The following CMBL variants were observed in gnomAD, a reference collection of about 807,000 sequenced individuals.
The protein encoded by CMBL is carboxymethylenebutenolidase homolog.
In CMBL, 17 loss-of-function variants were observed where a neutral mutation model predicts 28.7. That is an observed-to-expected ratio of 0.59 (90% CI 0.41 to 0.89). The LOEUF is 0.89. Among genes scored for constraint, CMBL ranks in the 40% least tolerant of loss-of-function variants. The probability of loss-of-function intolerance (pLI) is 0.00; values close to 1 mark genes in which losing one functional copy is unlikely to be tolerated. For synonymous variants in CMBL, 106 were observed against 101.6 expected (o/e 1.04, Z -0.26); for missense variants, 310 against 298.5 (o/e 1.04, Z -0.28).
chr5:10,281,012 G>C (rs1055045104), intron 5 of CMBL, among the ~76,000 whole-genome samples: 1 of 152,176 alleles, frequency 6.6e-6, no homozygotes, highest in African/African-American at 2.4e-5. Context: ...GACCTCAAGT[G>C]ATCTGCCTGC....
At chr5:10,296,885 T>C (rs1746819272) in intron 1 of CMBL, among the ~76,000 whole-genome samples, 1 of 152,084 alleles carries the variant, frequency 6.6e-6, no homozygotes, top group African/African-American at 2.4e-5. Context: ...ATAGTGGGCT[T>C]AAAAGAAACT....
chr5:10,291,660 C>CA (rs1746722433), intron 1 of CMBL, among the ~76,000 whole-genome samples: 2 of 131,112 alleles, frequency 1.5e-5, no homozygotes, highest in African/African-American at 6.9e-5. Context: ...GACGCCGTCT[C>CA]AAAAACAAAA....
At chr5:10,291,471 G>T (rs1746715441) in intron 1 of CMBL, among the ~76,000 whole-genome samples, 1 of 152,006 alleles carries the variant, frequency 6.6e-6, no homozygotes, top group African/African-American at 2.4e-5. Context: ...GACCATCCTG[G>T]CTAACACGGT....
At chr5:10,299,463 C>T (rs1159249106) in intron 1 of CMBL, among the ~76,000 whole-genome samples, 1 of 152,070 alleles carries the variant, frequency 6.6e-6, no homozygotes, top group Non-Finnish European at 1.5e-5. Flanking sequence ...GATACAAACC[C>T]TGGAAGGAGT....
rs140340319 is a variant in CMBL, at chr5:10,288,486, G to C, written c.259C>G (p.Pro87Ala). 4.3e-4 allele frequency: 692 copies of C among 1,613,874 alleles called. No homozygotes were observed. The highest frequency in any genetic ancestry group is 5.5e-4 in the Non-Finnish European group (645 of 1,179,940). ...GGGAAGATAGACCAGTCGCCAGAGG[G>C]GTCCCAAGGCTCTTGCCCTACAAAG... The part of the protein sequence containing the change: ...DFFVGQEPWD[P>A]SGDWSIFPEW... The change falls in exon 3 of 6, where the codon CCC (proline) becomes GCC (alanine). Residue 87 changes from proline to alanine, a missense_variant. Transcript: ENST00000296658.
chr5:10,297,993 G>A lies in CMBL; in HGVS notation c.-19-7212C>T, dbSNP rs182035017. On this transcript the variant is annotated intron_variant, in intron 1 of 5. Coordinates refer to ENST00000296658, the MANE Select transcript of CMBL (RefSeq NM_138809.4). ...GGGAGAGGATAAGCAGGAAAACAGG[G>A]GACCAGCGAGAAGTACGTATGGCTG... Among the ~76,000 whole-genome samples the A allele has an allele frequency of 1.1e-4, 17 of 152,258 alleles. No homozygotes were observed. The East Asian group carries it at 1.9e-3, about 17-fold the overall frequency.
In CMBL at chr5:10,282,205, G is replaced by T; in HGVS notation, c.550C>A (p.Leu184Ile). 6.2e-7 allele frequency: 1 copy of T among 1,604,306 alleles called. No individual in the cohort carries two copies. Among genetic ancestry groups the T allele is most frequent in the Non-Finnish European group, 8.5e-7 (1 of 1,171,124 alleles). ...AAAAGATGCCAACTTACGTCCTTGAGTGGAATCACAACATCATTTTCAGCA... is the reference window on the plus strand; with the variant it reads ...AAAAGATGCCAACTTACGTCCTTGATTGGAATCACAACATCATTTTCAGCA... Reference protein sequence around the residue: ...IFAENDVVIPLKDVSLLTQKL... With the variant: ...IFAENDVVIPIKDVSLLTQKL... The change falls in exon 5 of 6, where the codon CTC becomes ATC. Residue 184 changes from leucine (L) to isoleucine (I), a missense_variant. Transcript: ENST00000296658.
At chr5:10,285,911 C>T (rs1043260793) in intron 4 of CMBL, among the ~76,000 whole-genome samples, 18 of 151,948 alleles carry the variant, frequency 1.2e-4, no homozygotes, top group African/African-American at 4.1e-4. Flanking sequence ...GTTGTCCAGG[C>T]TGGTCTCGAA....
rs1271065206 is a variant in CMBL, at chr5:10,286,635, A to C, written c.324-139T>G. The C allele has an allele frequency of 5.9e-6, 4 of 672,734 alleles. No individual in the cohort carries two copies. The African/African-American group carries it at 7.3e-5, about 12-fold the overall frequency. The allele number at this position is 672,734 out of a possible 1,614,324, so 41.7% of individuals were successfully genotyped here. A position where few individuals can be genotyped will look rare whatever the true frequency, so the allele number is the denominator to read the frequency against. The stretch of plus-strand genomic sequence containing the variant: ...TTCTTCTTTTGGGAGCTCCACCCTT[A>C]CTACCTCTGGCCCAACTGATGCATC... On this transcript the variant is annotated intron_variant, in intron 3 of 5. Coordinates refer to ENST00000296658, the MANE Select transcript of CMBL (RefSeq NM_138809.4).
chr5:10,288,936 C>T (rs1040352183), intron 2 of CMBL, among the ~76,000 whole-genome samples: 2 of 152,226 alleles, frequency 1.3e-5, no homozygotes, highest in Non-Finnish European at 2.9e-5. Context: ...CCAGAGGGCA[C>T]ACCTGGCTAA....
chr5:10,297,890 C>T (rs972938049), intron 1 of CMBL, among the ~76,000 whole-genome samples: 1 of 152,078 alleles, frequency 6.6e-6, no homozygotes, highest in Non-Finnish European at 1.5e-5. Flanking sequence ...AGTGTGGATG[C>T]TCCCTGTTGG....
At chr5:10,287,778 T>A (rs1746630363) in intron 3 of CMBL, among the ~76,000 whole-genome samples, 1 of 151,956 alleles carries the variant, frequency 6.6e-6, no homozygotes, top group Non-Finnish European at 1.5e-5. Flanking sequence ...TGGTGCCATC[T>A]TGGCTCACTG....
At chr5:10,302,939 A>G (rs1017084578) in intron 1 of CMBL, among the ~76,000 whole-genome samples, 3 of 152,180 alleles carry the variant, frequency 2.0e-5, no homozygotes, top group African/African-American at 7.2e-5. Context: ...TGAAAAGATT[A>G]CCTGAGAGTC....
At position 10,278,509 on chromosome 5, in the gene CMBL, C is replaced by T. The variant is rs1471607777; in HGVS notation, c.*1944G>A. 6.6e-6 allele frequency among the ~76,000 whole-genome samples: 1 copy of T among 152,098 alleles called. No homozygotes were observed. Among genetic ancestry groups the T allele is most frequent in the African/African-American group, 2.4e-5 (1 of 41,408 alleles). Reference sequence around the variant, plus strand: ...CTCTAAACCCCCCAGTTAGAACCTCCAGGGGAAACCTGCATAGATGACACC... The same window carrying T: ...CTCTAAACCCCCCAGTTAGAACCTCTAGGGGAAACCTGCATAGATGACACC... On this transcript the variant is annotated 3_prime_UTR_variant, in exon 6 of 6. Transcript: ENST00000296658.
Position 10,280,443 on chromosome 5 carries a change from T to C in CMBL, c.*10A>G. 6.4e-7 allele frequency: 1 copy of C among 1,564,534 alleles called. No homozygotes were observed. The highest frequency in any genetic ancestry group is 1.3e-5 in the African/African-American group (1 of 74,464). Reference sequence around the variant, plus strand: ...AAAGCTATTCTAGGAAGGCTTGCCCTTGATTCTTGCTACATGTACTTGTTC... The same window carrying C: ...AAAGCTATTCTAGGAAGGCTTGCCCCTGATTCTTGCTACATGTACTTGTTC... On this transcript the variant is annotated 3_prime_UTR_variant, in exon 6 of 6. Coordinates refer to ENST00000296658, the MANE Select transcript of CMBL (RefSeq NM_138809.4).
chr5:10,291,393 T>G (rs2126550851), intron 1 of CMBL, among the ~76,000 whole-genome samples: 1 of 152,252 alleles, frequency 6.6e-6, no homozygotes, highest in African/African-American at 2.4e-5. Flanking sequence ...CCGGGCGCGG[T>G]GGCTCACGCC....
chr5:10,282,324 C>T, intron 4 of CMBL, 36 bp from the exon 5 acceptor site: 1 of 1,221,394 alleles, frequency 8.2e-7, no homozygotes, highest in Non-Finnish European at 1.2e-6. Flanking sequence ...TGTCTGATCC[C>T]CACACTCATG....
In CMBL at chr5:10,290,357, A is replaced by G. The variant is rs760844640; in HGVS notation, c.215+191T>C. ...GGACAGGAAACCCAGGAATGGGGTTAGGAGCACCAGGTGGGTGTTTAATTT... is the reference window on the plus strand; with the variant it reads ...GGACAGGAAACCCAGGAATGGGGTTGGGAGCACCAGGTGGGTGTTTAATTT... On this transcript the variant is annotated intron_variant, in intron 2 of 5. Transcript: ENST00000296658. 1.0e-4 allele frequency: 60 copies of G among 597,780 alleles called. 1 individual carries two copies. Among genetic ancestry groups the G allele is most frequent in the South Asian group, 3.0e-4 (15 of 49,856 alleles). 37.0% of individuals were successfully genotyped at this position (597,780 alleles called of 1,614,324 possible).
At chr5:10,303,805 C>G (rs1245799811) in intron 1 of CMBL, among the ~76,000 whole-genome samples, 1 of 152,184 alleles carries the variant, frequency 6.6e-6, no homozygotes, top group Non-Finnish European at 1.5e-5. Context: ...AGAAACTAGC[C>G]TCTTCAAACA....
Sources: gnomAD v4.1 joint callset for allele counts (sites outside exome capture counted in the v4.1 genomes callset) on GRCh38, gnomAD v4.1.1 for gene constraint, MANE v1.5 for transcripts, NCBI Gene and HGNC (gene_info 2026-07-23, HGNC 2026-07-21) for gene names.